Variants in DCHS2 observed in about 807,000 individuals in gnomAD.
DCHS2 encodes the protein protocadherin-23.
In DCHS2, 142 loss-of-function variants were observed where a neutral mutation model predicts 182.4. The observed-to-expected ratio is 0.78, with a 90% confidence interval of 0.68 to 0.89. DCHS2 has a LOEUF of 0.89. Among genes scored for constraint, DCHS2 ranks in the 40% least tolerant of loss-of-function variants. The pLI is 0.00. For missense variants in DCHS2, 4,319 were observed against 4,198.6 expected, an observed-to-expected ratio of 1.03 and a Z score of -0.79; for synonymous variants, 1,740 against 1,663.3, an observed-to-expected ratio of 1.05 and a Z score of -1.12.
Position 154,489,701 on chromosome 4 carries a change from G to T in DCHS2, c.1655C>A (p.Ala552Glu). 1.9e-6 allele frequency: 3 copies of T among 1,551,708 alleles called. No individual in the cohort carries two copies. In the East Asian group the frequency reaches 7.3e-5, roughly 38 times the overall value. ...CCACATGACTACAGTGCCAGGGGCC[G>T]CGGCCTCGGACACTGAGGCCTTGTA... ...QHYKASVSEA[A>E]APGTVVMWVS... Residue 552 changes from alanine (A) to glutamate (E), a missense_variant, in exon 1 of 20, where the codon GCG becomes GAG. Physicochemically the swap from Ala to Glu is moderately radical, Grantham distance 107. Transcript: ENST00000357232.
intron 1 of DCHS2, among the ~76,000 whole-genome samples, chr4:154,424,773 G>T (rs1001585436): frequency 1.4e-4 from 21 of 152,276 alleles, no homozygotes; most frequent in Admixed American, 7.8e-4. Flanking sequence ...AAAACAGAAA[G>T]ATTATCTTCA....
intron 4 of DCHS2, chr4:154,333,940 T>A (rs1288010694): frequency 1.2e-5 from 2 of 160,986 alleles, no homozygotes; most frequent in African/African-American, 2.4e-5. Flanking sequence ...TGCTGTGCAA[T>A]GTCTTACTTT....
chr4:154,452,981 T>C (rs1269300107), intron 1 of DCHS2, among the ~76,000 whole-genome samples: 1 of 152,090 alleles, frequency 6.6e-6, no homozygotes, highest in Non-Finnish European at 1.5e-5. Flanking sequence ...CCTCAGGCAA[T>C]AAGTTAAACA....
chr4:154,359,803 T>C (rs963922869), intron 3 of DCHS2, among the ~76,000 whole-genome samples: 1 of 152,048 alleles, frequency 6.6e-6, no homozygotes, highest in Non-Finnish European at 1.5e-5. Context: ...AATGTACCTG[T>C]TTTGGAAAAG....
At chr4:154,480,335 A>C (rs1735872519) in intron 1 of DCHS2, among the ~76,000 whole-genome samples, 1 of 152,270 alleles carries the variant, frequency 6.6e-6, no homozygotes, top group Admixed American at 6.5e-5. Context: ...AATGAAGAAC[A>C]AAGGAAATTT....
intron 1 of DCHS2, among the ~76,000 whole-genome samples, chr4:154,455,454 C>G (rs1734724030): frequency 6.6e-6 from 1 of 152,190 alleles, no homozygotes; most frequent in African/African-American, 2.4e-5. Flanking sequence ...TGAGTTCCCA[C>G]CATGTCTGCA....
intron 9 of DCHS2, 93 bp from the exon 10 acceptor site, chr4:154,316,080 A>C (rs1382313035): frequency 2.5e-5 from 38 of 1,525,102 alleles, no homozygotes; most frequent in Non-Finnish European, 3.2e-5. Context: ...CTACCTAATA[A>C]AAATTCAGAA....
chr4:154,434,875 G>T (rs1342738618), intron 1 of DCHS2, among the ~76,000 whole-genome samples: 1 of 152,186 alleles, frequency 6.6e-6, no homozygotes, highest in African/African-American at 2.4e-5. Flanking sequence ...AATACCTGAT[G>T]AGTAATCATC....
intron 7 of DCHS2, among the ~76,000 whole-genome samples, chr4:154,327,575 T>G (rs555962629): frequency 2.4e-4 from 37 of 152,240 alleles, no homozygotes; most frequent in Non-Finnish European, 4.1e-4. Flanking sequence ...AGTAAATAAC[T>G]GGAAAAAATC....
At chr4:154,393,381 A>T (rs554018449) in intron 1 of DCHS2, among the ~76,000 whole-genome samples, 1 of 151,940 alleles carries the variant, frequency 6.6e-6, no homozygotes, top group Non-Finnish European at 1.5e-5. Context: ...TGGTTGGGGG[A>T]AAAAAAATGG....
intron 3 of DCHS2, among the ~76,000 whole-genome samples, chr4:154,355,369 C>A (rs930482321): frequency 5.3e-5 from 8 of 152,256 alleles, no homozygotes; most frequent in Admixed American, 3.3e-4. Context: ...ATGGCCACAT[C>A]AGGAAGTTAC....
chr4:154,302,983 A>ACAT lies in DCHS2; in HGVS notation c.5605+1685_5605+1686insATG, dbSNP rs1491176870. Among the ~76,000 whole-genome samples the ACAT allele has an allele frequency of 4.8e-5, 5 of 103,818 alleles. No individual in the cohort carries two copies. In the South Asian group the frequency reaches 1.6e-3, roughly 34 times the overall value. 68.1% of individuals were successfully genotyped at this position (103,818 alleles called of 152,430 possible). On this transcript the variant is annotated intron_variant, in intron 12 of 19. Transcript: ENST00000357232. ...CACACACACACCCACACACACACAT[A>ACAT]TTTTTTTTTTTTTTTGAGACAAAGT...
Position 154,373,557 on chromosome 4 carries a change from G to A in DCHS2, c.2244+3696C>T, listed in dbSNP as rs535532170. Reference sequence around the variant, plus strand: ...TGCTGGAGGCAGTTTTAGGTCCAGAGTGAAGGTTGGGGATTTGTTAAAAGC... The same window carrying A: ...TGCTGGAGGCAGTTTTAGGTCCAGAATGAAGGTTGGGGATTTGTTAAAAGC... On this transcript the variant is annotated intron_variant, in intron 2 of 19. Coordinates refer to ENST00000357232, the MANE Select transcript of DCHS2 (RefSeq NM_001358235.2). 2.0e-5 allele frequency among the ~76,000 whole-genome samples: 3 copies of A among 152,314 alleles called. No individual in the cohort carries two copies. In the East Asian group the frequency reaches 5.8e-4, roughly 29 times the overall value.
chr4:154,236,925 T>C lies in DCHS2; in HGVS notation c.7727A>G (p.His2576Arg). ...STLVTFSNID[H>R]DWTRENTYVE... is the part of the protein sequence containing the mutation. Reference sequence around the variant, plus strand: ...ATATGTGTTTTCACGGGTCCAGTCATGGTCGATGTTTGAAAATGTAACAAG... The same window carrying C: ...ATATGTGTTTTCACGGGTCCAGTCACGGTCGATGTTTGAAAATGTAACAAG... The change falls in exon 20 of 20, where the codon CAT (histidine) becomes CGT (arginine). Residue 2576 changes from histidine to arginine, a missense_variant. Physicochemically the swap from His to Arg is conservative, Grantham distance 29 (BLOSUM62 0). Coordinates refer to ENST00000357232, the MANE Select transcript of DCHS2 (RefSeq NM_001358235.2). 1 of 1,614,080 alleles carries C rather than the reference T, an allele frequency of 6.2e-7. No individual in the cohort carries two copies. The highest frequency in any genetic ancestry group is 8.5e-7 in the Non-Finnish European group (1 of 1,179,946).
At chr4:154,406,354 G>T (rs1732400628) in intron 1 of DCHS2, among the ~76,000 whole-genome samples, 1 of 152,192 alleles carries the variant, frequency 6.6e-6, no homozygotes, top group Non-Finnish European at 1.5e-5. Flanking sequence ...GCTGCAATTA[G>T]AAAGGCGCCC....
chr4:154,284,895 G>T (rs749959175), intron 13 of DCHS2, among the ~76,000 whole-genome samples: 13 of 152,046 alleles, frequency 8.6e-5, no homozygotes, highest in Non-Finnish European at 1.6e-4. Flanking sequence ...CACCAACTGG[G>T]GTGGCCAAGG....
intron 14 of DCHS2, among the ~76,000 whole-genome samples, chr4:154,264,749 A>G (rs1414403005): frequency 6.6e-6 from 1 of 152,148 alleles, no homozygotes; most frequent in African/African-American, 2.4e-5. Context: ...AGAGCTTACT[A>G]TACAAACCCT....
At chr4:154,290,878 G>A (rs1734629294) in intron 13 of DCHS2, among the ~76,000 whole-genome samples, 1 of 152,082 alleles carries the variant, frequency 6.6e-6, no homozygotes, top group African/African-American at 2.4e-5. Context: ...ATTGGAGTGG[G>A]AGTAGATTTC....
At chr4:154,481,520 G>T (rs773963026) in intron 1 of DCHS2, among the ~76,000 whole-genome samples, 1 of 152,144 alleles carries the variant, frequency 6.6e-6, no homozygotes, top group Non-Finnish European at 1.5e-5. Flanking sequence ...GCCTCCCAAA[G>T]TGCTGGGATT....
Sources: allele counts gnomAD v4.1 joint callset (sites outside exome capture counted in the v4.1 genomes callset), GRCh38; gene constraint gnomAD v4.1.1; transcripts MANE v1.5; gene names NCBI Gene and HGNC (gene_info 2026-07-23, HGNC 2026-07-21).